TMEM132C: variants seen among roughly 807,000 people sequenced by gnomAD.
The protein encoded by TMEM132C is transmembrane protein 132C, also known as protein phosphatase 1, regulatory subunit 152.
TMEM132C carries 29 observed loss-of-function variants against 61.4 expected under a neutral mutation model. That is an observed-to-expected ratio of 0.47 (90% CI 0.35 to 0.64). The LOEUF (loss-of-function observed/expected upper bound fraction) is 0.64, where lower values mean the gene tolerates loss of function less well. Among genes scored for constraint, TMEM132C ranks in the 30% least tolerant of loss-of-function variants. TMEM132C has a pLI of 0.00. For synonymous variants in TMEM132C, 656 were observed against 633.1 expected (o/e 1.04, Z -0.54); for missense variants, 1,408 against 1,476.9 (o/e 0.95, Z 0.76).
intron 2 of TMEM132C, among the ~76,000 whole-genome samples, chr12:128,485,826 G>A (rs1317235710): frequency 6.6e-6 from 1 of 152,162 alleles, no homozygotes; most frequent in Non-Finnish European, 1.5e-5. Context: ...TTGAGCTGAC[G>A]GAGGGCGCGG....
At chr12:128,270,110 G>C (rs531000069) in intron 1 of TMEM132C, among the ~76,000 whole-genome samples, 12 of 152,180 alleles carry the variant, frequency 7.9e-5, no homozygotes, top group Non-Finnish European at 1.6e-4. Context: ...TATTGCGCCT[G>C]TATAAAGCAA....
intron 1 of TMEM132C, among the ~76,000 whole-genome samples, chr12:128,334,804 G>A (rs576322858): frequency 6.6e-6 from 1 of 152,062 alleles, no homozygotes; most frequent in Non-Finnish European, 1.5e-5. Context: ...CACTGTGTTA[G>A]CCAGGAGGGT....
At chr12:128,488,646 T>A (rs1871589954) in intron 2 of TMEM132C, among the ~76,000 whole-genome samples, 1 of 151,852 alleles carries the variant, frequency 6.6e-6, no homozygotes, top group African/African-American at 2.4e-5. Flanking sequence ...GGGTGATAGA[T>A]CATGACTCCA....
chr12:128,347,096 GT>G (rs1873181975), intron 1 of TMEM132C, among the ~76,000 whole-genome samples: 1 of 152,042 alleles, frequency 6.6e-6, no homozygotes, highest in Non-Finnish European at 1.5e-5. Flanking sequence ...TTCCCCCTGA[GT>G]CCCCAAAGTC....
intron 1 of TMEM132C, among the ~76,000 whole-genome samples, chr12:128,397,318 G>T (rs1247268042): frequency 6.6e-6 from 1 of 152,188 alleles, no homozygotes; most frequent in African/African-American, 2.4e-5. Flanking sequence ...GCTTCGCCGT[G>T]TGTCTTCTAA....
intron 4 of TMEM132C, among the ~76,000 whole-genome samples, chr12:128,661,335 C>G (rs1204468439): frequency 2.0e-5 from 3 of 152,168 alleles, no homozygotes; most frequent in African/African-American, 7.2e-5. Context: ...AAAATCCCAT[C>G]ACAGCAACAG....
chr12:128,439,787 C>T (rs561875538), intron 2 of TMEM132C, among the ~76,000 whole-genome samples: 19 of 152,046 alleles, frequency 1.2e-4, no homozygotes, highest in Non-Finnish European at 1.9e-4. Flanking sequence ...GATTTGACAG[C>T]ATCCCCTACA....
chr12:128,388,807 G>A (rs115491970), intron 1 of TMEM132C, among the ~76,000 whole-genome samples: 3,023 of 152,362 alleles, frequency 0.02, 85 homozygotes, highest in African/African-American at 0.068. Context: ...GTTTATTTCG[G>A]TTGCCCTAGT....
At chr12:128,605,690 A>G (rs1876398260) in intron 3 of TMEM132C, among the ~76,000 whole-genome samples, 1 of 152,130 alleles carries the variant, frequency 6.6e-6, no homozygotes, top group Non-Finnish European at 1.5e-5. Flanking sequence ...AGGAAGTGGG[A>G]GAGGACAGCT....
chr12:128,635,229 A>G (rs2135595902), intron 4 of TMEM132C, among the ~76,000 whole-genome samples: 1 of 152,298 alleles, frequency 6.6e-6, no homozygotes, highest in Non-Finnish European at 1.5e-5. Flanking sequence ...CCTATAATTG[A>G]AGCAAAAAAA....
intron 1 of TMEM132C, among the ~76,000 whole-genome samples, chr12:128,387,535 G>A (rs1362472800): frequency 6.6e-6 from 1 of 152,080 alleles, no homozygotes; most frequent in African/African-American, 2.4e-5. Context: ...AAATCAGCTG[G>A]GCACGGTGGC....
intron 2 of TMEM132C, among the ~76,000 whole-genome samples, chr12:128,539,941 A>G (rs1873675337): frequency 6.6e-6 from 1 of 151,998 alleles, no homozygotes; most frequent in Non-Finnish European, 1.5e-5. Flanking sequence ...CATTTTCTTA[A>G]ATTATTTCAT....
At chr12:128,567,341 G>A (rs1464078996) in intron 3 of TMEM132C, among the ~76,000 whole-genome samples, 1 of 151,966 alleles carries the variant, frequency 6.6e-6, no homozygotes, top group African/African-American at 2.4e-5. Flanking sequence ...GTAGTTCAAT[G>A]TATGTCACCC....
At chr12:128,364,654 G>C (rs1237824965) in intron 1 of TMEM132C, among the ~76,000 whole-genome samples, 1 of 152,202 alleles carries the variant, frequency 6.6e-6, no homozygotes, top group Non-Finnish European at 1.5e-5. Flanking sequence ...AGAGACCCGG[G>C]TGGCAGTTGT....
intron 2 of TMEM132C, among the ~76,000 whole-genome samples, chr12:128,509,532 G>A (rs1872503438): frequency 6.6e-6 from 1 of 152,228 alleles, no homozygotes; most frequent in Non-Finnish European, 1.5e-5. Context: ...GAAGGAGGCA[G>A]TTTTTGCATG....
rs535054055 is a variant in TMEM132C, at chr12:128,303,187, T to C, written c.85+35700T>C. Among the ~76,000 whole-genome samples the C allele has an allele frequency of 3.4e-4, 52 of 152,316 alleles. 1 individual carries two copies. The South Asian group carries it at 0.011, about 31-fold the overall frequency. On this transcript the variant is annotated intron_variant, in intron 1 of 8. Coordinates refer to ENST00000435159, the MANE Select transcript of TMEM132C (RefSeq NM_001136103.3). ...TGTTAAAACAAAAGGAATTATTCTATCTACTTGTGTTGAAGCAAATGGAAA... is the reference window on the plus strand; with the variant it reads ...TGTTAAAACAAAAGGAATTATTCTACCTACTTGTGTTGAAGCAAATGGAAA...
chr12:128,491,743 C>T (rs1386466949), intron 2 of TMEM132C, among the ~76,000 whole-genome samples: 1 of 152,066 alleles, frequency 6.6e-6, no homozygotes, highest in Admixed American at 6.6e-5. Context: ...CGAGGTTGTA[C>T]CGGCTCTCAA....
chr12:128,369,768 G>A (rs930911754), intron 1 of TMEM132C, among the ~76,000 whole-genome samples: 25 of 152,224 alleles, frequency 1.6e-4, no homozygotes, highest in Admixed American at 7.9e-4. Flanking sequence ...CACTGACAAC[G>A]CCTTGAAGCT....
At chr12:128,602,544 C>G (rs891286626) in intron 3 of TMEM132C, among the ~76,000 whole-genome samples, 14 of 152,234 alleles carry the variant, frequency 9.2e-5, no homozygotes, top group African/African-American at 1.2e-4. Flanking sequence ...TGGCTTCCTT[C>G]ACAGGGGTGT....
Sources: allele counts gnomAD v4.1 joint callset (sites outside exome capture counted in the v4.1 genomes callset), GRCh38; gene constraint gnomAD v4.1.1; transcripts MANE v1.5; gene names NCBI Gene and HGNC (gene_info 2026-07-23, HGNC 2026-07-21).